TMEM117: variants seen among roughly 807,000 people sequenced by gnomAD.
The protein encoded by TMEM117 is transmembrane protein 117.
Under a neutral mutation model 52.4 loss-of-function variants are expected in TMEM117, and 27 were observed. The observed-to-expected ratio is 0.51, with a 90% CI of 0.38 to 0.71. The LOEUF is 0.71. Ranked by LOEUF, TMEM117 falls within the 30% of genes least tolerant of loss-of-function variation. TMEM117 has a pLI of 0.00. For missense variants in TMEM117, 556 were observed against 630.5 expected (o/e 0.88, Z 1.26); for synonymous variants, 215 against 206.3 (o/e 1.04, Z -0.36).
chr12:44,271,830 G>A (rs762433507), intron 5 of TMEM117, among the ~76,000 whole-genome samples: 8 of 151,772 alleles, frequency 5.3e-5, no homozygotes, highest in East Asian at 1.9e-4. Flanking sequence ...ATTTCCAAAC[G>A]GTATATATGA....
At chr12:44,271,714 A>G (rs1471708212) in intron 5 of TMEM117, among the ~76,000 whole-genome samples, 1 of 152,176 alleles carries the variant, frequency 6.6e-6, no homozygotes, top group Admixed American at 6.6e-5. Flanking sequence ...ATCAAAACAC[A>G]GGCAACAAAA....
chr12:44,009,139 CT>C (rs1169939932), intron 3 of TMEM117: 2 of 312,156 alleles, frequency 6.4e-6, no homozygotes, highest in East Asian at 2.3e-4. Flanking sequence ...AGTTTCTTTA[CT>C]TCCTTGGAAA....
intron 3 of TMEM117, among the ~76,000 whole-genome samples, chr12:43,953,733 A>G (rs1212849814): frequency 6.6e-6 from 1 of 152,238 alleles, no homozygotes; most frequent in African/African-American, 2.4e-5. Context: ...TGTCAGTATT[A>G]GACAGATCAT....
intron 6 of TMEM117, among the ~76,000 whole-genome samples, chr12:44,332,949 C>T (rs1307902572): frequency 6.6e-6 from 1 of 151,846 alleles, no homozygotes; most frequent in African/African-American, 2.4e-5. Context: ...AAAGCTATAC[C>T]GATTCTGTTG....
chr12:44,198,664 C>T (rs1209966546), intron 4 of TMEM117, among the ~76,000 whole-genome samples: 1 of 152,136 alleles, frequency 6.6e-6, no homozygotes, highest in East Asian at 1.9e-4. Flanking sequence ...CATGGAGGCT[C>T]CCAGGCAAAT....
intron 3 of TMEM117, among the ~76,000 whole-genome samples, chr12:44,043,985 A>T (rs1456947808): frequency 6.6e-6 from 1 of 152,162 alleles, no homozygotes; most frequent in Non-Finnish European, 1.5e-5. Context: ...AGCTGAAAAG[A>T]TGGCCTGCTG....
intron 5 of TMEM117, among the ~76,000 whole-genome samples, chr12:44,235,250 T>G (rs1349565668): frequency 6.6e-6 from 1 of 151,648 alleles, no homozygotes. Context: ...GAAACACCCT[T>G]TTTCTTTTGT....
At chr12:44,054,339 C>T (rs1169246754) in intron 3 of TMEM117, among the ~76,000 whole-genome samples, 1 of 152,078 alleles carries the variant, frequency 6.6e-6, no homozygotes, top group Non-Finnish European at 1.5e-5. Flanking sequence ...TTGAAGAACA[C>T]CTTGGGGTCG....
At chr12:44,010,215 G>C (rs762649744) in intron 3 of TMEM117, 4 of 493,638 alleles carry the variant, frequency 8.1e-6, no homozygotes, top group South Asian at 4.3e-5. Context: ...ACAAATGAGG[G>C]TGCATCAGGT....
At chr12:44,126,179 A>C (rs1317759273) in intron 3 of TMEM117, among the ~76,000 whole-genome samples, 1 of 152,082 alleles carries the variant, frequency 6.6e-6, no homozygotes, top group Non-Finnish European at 1.5e-5. Context: ...ATGGGCATTT[A>C]GGTTGATTTC....
At chr12:43,799,742 G>C in the TMEM117 span, among the ~76,000 whole-genome samples, 1 of 151,894 alleles carries the variant, frequency 6.6e-6, no homozygotes, top group African/African-American at 2.4e-5. Flanking sequence ...TTTTGTATGA[G>C]TTTCATACTG....
chr12:44,057,805 C>G (rs187980912), intron 3 of TMEM117, among the ~76,000 whole-genome samples: 1 of 152,172 alleles, frequency 6.6e-6, no homozygotes, highest in African/African-American at 2.4e-5. Flanking sequence ...ATTTATTTAT[C>G]TAGAAATAGA....
intron 3 of TMEM117, among the ~76,000 whole-genome samples, chr12:43,950,951 A>C (rs1311685537): frequency 1.3e-5 from 2 of 152,158 alleles, no homozygotes; most frequent in Non-Finnish European, 2.9e-5. Flanking sequence ...TGAGGTACCC[A>C]GTTCATCCTA....
intron 5 of TMEM117, among the ~76,000 whole-genome samples, chr12:44,249,395 C>A (rs1382147094): frequency 6.6e-6 from 1 of 152,042 alleles, no homozygotes; most frequent in African/African-American, 2.4e-5. Flanking sequence ...GAATCAATAT[C>A]ATGAAAATGG....
intron 3 of TMEM117, among the ~76,000 whole-genome samples, chr12:44,094,641 A>G (rs1305999937): frequency 6.6e-6 from 1 of 152,124 alleles, no homozygotes; most frequent in Non-Finnish European, 1.5e-5. Flanking sequence ...CATGTCCAGT[A>G]TTTAATTCTT....
intron 6 of TMEM117, among the ~76,000 whole-genome samples, chr12:44,301,927 A>G (rs534432813): frequency 2.0e-5 from 3 of 152,338 alleles, no homozygotes; most frequent in South Asian, 4.1e-4. Context: ...AGGTTGGGCT[A>G]TAACTCCAAA....
intron 5 of TMEM117, among the ~76,000 whole-genome samples, chr12:44,280,951 T>C (rs545032034): frequency 1.3e-5 from 2 of 150,170 alleles, no homozygotes; most frequent in South Asian, 4.4e-4. Flanking sequence ...GATGAGTGGG[T>C]CCCCCAATCA....
In TMEM117 at chr12:44,298,416, G is replaced by GT. The variant is rs144222091; in HGVS notation, c.609-1153dup. Among the ~76,000 whole-genome samples the GT allele has an allele frequency of 6.9e-3, 984 of 141,914 alleles. 72 individuals carry two copies. The highest frequency in any genetic ancestry group is 0.023 in the African/African-American group (853 of 37,576). 93.1% of individuals were successfully genotyped at this position (141,914 alleles called of 152,430 possible). ...CTGATTAAATTTATTTCAAGTAATT[G>GT]TTTTTTTTTTTCTTCTTATAATTCT... On this transcript the variant is annotated intron_variant, in intron 5 of 7. Coordinates refer to ENST00000266534, the MANE Select transcript of TMEM117 (RefSeq NM_032256.3).
intron 3 of TMEM117, among the ~76,000 whole-genome samples, chr12:44,048,823 G>C (rs1946920983): frequency 6.6e-6 from 1 of 152,172 alleles, no homozygotes; most frequent in Non-Finnish European, 1.5e-5. Context: ...ACACGTACTG[G>C]ACAGAGTATT....
Sources: gnomAD v4.1 joint callset for allele counts (sites outside exome capture counted in the v4.1 genomes callset) on GRCh38, gnomAD v4.1.1 for gene constraint, MANE v1.5 for transcripts, NCBI Gene and HGNC (gene_info 2026-07-23, HGNC 2026-07-21) for gene names.